The following MYOM1 variants were observed in gnomAD, a reference collection of about 807,000 sequenced individuals.
MYOM1 encodes the protein myomesin-1.
MYOM1 carries 164 observed loss-of-function variants against 205.3 expected under a neutral mutation model. That is an observed-to-expected ratio of 0.80 (90% CI 0.70 to 0.91). MYOM1 has a LOEUF of 0.91. MYOM1 is among the 40% of genes least tolerant of loss of function. MYOM1 has a pLI of 0.00. For synonymous variants in MYOM1, 772 were observed against 789.4 expected (o/e 0.98, Z 0.37); for missense variants, 2,011 against 2,127.3 (o/e 0.95, Z 1.08).
At chr18:3,124,724 G>T (rs185488678) in intron 19 of MYOM1, among the ~76,000 whole-genome samples, 1 of 152,152 alleles carries the variant, frequency 6.6e-6, no homozygotes, top group East Asian at 1.9e-4. Flanking sequence ...ATATAAAGGT[G>T]AATTAATGAC....
chr18:3,191,417 T>C (rs1027447620), intron 3 of MYOM1, among the ~76,000 whole-genome samples: 23 of 152,306 alleles, frequency 1.5e-4, no homozygotes, highest in African/African-American at 5.5e-4. Context: ...TGCCATGATT[T>C]CCTTGTCCAA....
chr18:3,229,397 A>C, the MYOM1 span, among the ~76,000 whole-genome samples: 1 of 152,308 alleles, frequency 6.6e-6, no homozygotes, highest in Admixed American at 6.5e-5. Flanking sequence ...AAAAAAAAAA[A>C]AACCTCTTAG....
At chr18:3,230,739 C>T in the MYOM1 span, among the ~76,000 whole-genome samples, 2 of 152,196 alleles carry the variant, frequency 1.3e-5, no homozygotes, top group East Asian at 3.9e-4. Flanking sequence ...CGGAAAATTC[C>T]GTAACTGGGC....
At chr18:3,127,305 A>ATATATATATT (rs56880961) in intron 18 of MYOM1, among the ~76,000 whole-genome samples, 15 of 47,564 alleles carry the variant, frequency 3.2e-4, no homozygotes, top group African/African-American at 1.0e-3. Flanking sequence ...ATATATATAT[A>ATATATATATT]TTTTTTTTTT....
In MYOM1 at chr18:3,187,650, AT is replaced by A. The variant is rs2080837923; in HGVS notation, c.772-14del. The A allele has an allele frequency of 6.3e-7, 1 of 1,575,114 alleles. No individual in the cohort carries two copies. The highest frequency in any genetic ancestry group is 2.3e-5 in the East Asian group (1 of 44,040). ...CGGTTTCTTCTAACTGAAAAAACAA[AT>A]ATGCAAACAAACATATTACCAAAAT... On this transcript the variant is annotated splice_polypyrimidine_tract_variant and intron_variant, in intron 4 of 37. Coordinates refer to ENST00000356443, the MANE Select transcript of MYOM1 (RefSeq NM_003803.4).
chr18:3,199,579 C>T (rs1445711858), intron 2 of MYOM1, among the ~76,000 whole-genome samples: 2 of 152,210 alleles, frequency 1.3e-5, no homozygotes, highest in Non-Finnish European at 1.5e-5. Context: ...CGGTGGCTCA[C>T]ACCTGTAATC....
At chr18:3,158,020 TGTAA>T (rs764516771) in intron 10 of MYOM1, among the ~76,000 whole-genome samples, 3 of 152,150 alleles carry the variant, frequency 2.0e-5, no homozygotes, top group Non-Finnish European at 2.9e-5. Context: ...TTTTGCAAAA[TGTAA>T]GTAATTCTAT....
intron 14 of MYOM1, among the ~76,000 whole-genome samples, chr18:3,140,826 A>T (rs1176576164): frequency 2.6e-5 from 4 of 152,230 alleles, no homozygotes; most frequent in African/African-American, 4.8e-5. Flanking sequence ...CGATTTTGCT[A>T]TGAAACTAAA....
intron 25 of MYOM1, among the ~76,000 whole-genome samples, chr18:3,098,569 A>G (rs1189678439): frequency 1.3e-5 from 2 of 151,584 alleles, no homozygotes; most frequent in Non-Finnish European, 2.9e-5. Flanking sequence ...GAGCCACCAC[A>G]CCCCACCCTC....
At chr18:3,098,346 C>T (rs138834603) in intron 25 of MYOM1, among the ~76,000 whole-genome samples, 2,266 of 152,096 alleles carry the variant, frequency 0.015, 38 homozygotes, top group South Asian at 0.071. Context: ...GGCACGATCT[C>T]GGCTCACTGC....
chr18:3,091,113 C>G (rs1482975633), intron 26 of MYOM1, among the ~76,000 whole-genome samples: 1 of 151,898 alleles, frequency 6.6e-6, no homozygotes, highest in South Asian at 2.1e-4. Flanking sequence ...GTCAGGAGTT[C>G]GAGACCAGCC....
intron 5 of MYOM1, among the ~76,000 whole-genome samples, chr18:3,182,781 T>C (rs1282469619): frequency 6.6e-6 from 1 of 152,190 alleles, no homozygotes; most frequent in African/African-American, 2.4e-5. Flanking sequence ...ATGTACCCTA[T>C]TAAATTTTAA....
chr18:3,067,090 A>G lies in MYOM1; in HGVS notation c.*172T>C. The G allele has an allele frequency of 4.5e-6, 3 of 663,474 alleles. No individual in the cohort carries two copies. The highest frequency in any genetic ancestry group is 7.5e-6 in the Non-Finnish European group (3 of 400,660). 41.1% of individuals were successfully genotyped at this position (663,474 alleles called of 1,614,324 possible). ...CACATAATTTTGTAGATAAAGAAAA[A>G]CAATTAAAGTGTCATTAGTTGGTGC... On this transcript the variant is annotated 3_prime_UTR_variant, in exon 38 of 38. Transcript: ENST00000356443.
At chr18:3,192,713 CT>C (rs1393727256) in intron 3 of MYOM1, among the ~76,000 whole-genome samples, 3 of 152,104 alleles carry the variant, frequency 2.0e-5, no homozygotes, top group African/African-American at 4.8e-5. Flanking sequence ...GACAAGTTTC[CT>C]TTCAAGATTC....
At chr18:3,080,196 C>A (rs2079068451) in intron 33 of MYOM1, among the ~76,000 whole-genome samples, 1 of 151,986 alleles carries the variant, frequency 6.6e-6, no homozygotes, top group Admixed American at 6.6e-5. Flanking sequence ...ATTATAGTAA[C>A]CATCATGCAT....
At chr18:3,118,994 A>AC (rs945447679) in intron 20 of MYOM1, among the ~76,000 whole-genome samples, 20 of 151,704 alleles carry the variant, frequency 1.3e-4, no homozygotes, top group Middle Eastern at 3.4e-3. Context: ...ACATAAAATC[A>AC]CCCCCCGCAT....
At chr18:3,176,971 C>T (rs2080650846) in intron 5 of MYOM1, among the ~76,000 whole-genome samples, 2 of 151,922 alleles carry the variant, frequency 1.3e-5, no homozygotes, top group Non-Finnish European at 2.9e-5. Flanking sequence ...GGCATGGTGG[C>T]TTATGCATGT....
At chr18:3,238,083 C>T in the MYOM1 span, among the ~76,000 whole-genome samples, 1 of 152,112 alleles carries the variant, frequency 6.6e-6, no homozygotes, top group Non-Finnish European at 1.5e-5. Flanking sequence ...TAATGAAATA[C>T]ATATACAACT....
chr18:3,112,707 G>A (rs2079545377), intron 21 of MYOM1, among the ~76,000 whole-genome samples: 1 of 152,188 alleles, frequency 6.6e-6, no homozygotes, highest in Non-Finnish European at 1.5e-5. Flanking sequence ...ACAGAGACTA[G>A]TGTACGTAGG....
Sources: gnomAD v4.1 joint callset for allele counts (sites outside exome capture counted in the v4.1 genomes callset) on GRCh38, gnomAD v4.1.1 for gene constraint, MANE v1.5 for transcripts, NCBI Gene and HGNC (gene_info 2026-07-23, HGNC 2026-07-21) for gene names.